Variants in ZKSCAN7 observed in about 807,000 individuals in gnomAD.
ZKSCAN7 encodes the protein zinc finger with KRAB and SCAN domains 7.
A neutral mutation model predicts 65.3 loss-of-function variants in ZKSCAN7; 38 were observed. That is an observed-to-expected ratio of 0.58 (90% confidence interval 0.45 to 0.76). ZKSCAN7 has a LOEUF of 0.76. Ranked by LOEUF, ZKSCAN7 falls within the 30% of genes least tolerant of loss-of-function variation. ZKSCAN7 has a pLI of 0.00. For synonymous variants in ZKSCAN7, 321 were observed against 321.0 expected, an observed-to-expected ratio of 1.00 and a Z score of 0.00; for missense variants, 815 against 913.3, an observed-to-expected ratio of 0.89 and a Z score of 1.39.
At chr3:44,567,590 A>T (rs1048042355) in intron 3 of ZKSCAN7, among the ~76,000 whole-genome samples, 1 of 152,162 alleles carries the variant, frequency 6.6e-6, no homozygotes, top group Non-Finnish European at 1.5e-5. Flanking sequence ...GGCATGAGGA[A>T]CCACAACTGT....
At chr3:44,574,771 AAT>A (rs1699890860), downstream of ZKSCAN7, among the ~76,000 whole-genome samples, 1 of 151,874 alleles carries the variant, frequency 6.6e-6, no homozygotes. Context: ...CTCTATTAAA[AAT>A]ATAAAAATTG....
At chr3:44,558,230 G>A (rs1431391343) in intron 2 of ZKSCAN7, among the ~76,000 whole-genome samples, 1 of 151,998 alleles carries the variant, frequency 6.6e-6, no homozygotes, top group East Asian at 1.9e-4. Context: ...CATGTGTAAA[G>A]AGATTTATTG....
chr3:44,583,162 A>C (rs894582161), exon 6 of ZKSCAN7: 8 of 283,136 alleles, frequency 2.8e-5, no homozygotes, highest in Non-Finnish European at 5.6e-5. Context: ...TCCTGACCTC[A>C]GGTGATCCAC....
At chr3:44,582,241 G>T (rs181352983) in intron 5 of ZKSCAN7, among the ~76,000 whole-genome samples, 2 of 152,284 alleles carry the variant, frequency 1.3e-5, no homozygotes, top group East Asian at 3.9e-4. Context: ...TATGCACAGG[G>T]TCACTTTACC....
chr3:44,570,981 G>A lies in ZKSCAN7; in HGVS notation c.1871G>A (p.Arg624Gln), dbSNP rs182377695. 8 of 1,614,074 alleles carry A rather than the reference G, an allele frequency of 5.0e-6. No individual in the cohort carries two copies. The East Asian group carries it at 8.9e-5, about 18-fold the overall frequency. Residue 624 changes from arginine to glutamine, a missense_variant, in exon 6 of 6, where the codon CGG (arginine) becomes CAG (glutamine). Physicochemically the swap from Arg to Gln is conservative, Grantham distance 43. Around this residue, in one of 3 missense-constraint regions of ZKSCAN7, gnomAD observed 578 missense variants for 629.5 expected, o/e 0.92. Transcript: ENST00000426540. The part of the protein sequence containing the change: ...KAFGLSKCLI[R>Q]HQRLHTGEKP... ...TTTGGTCTGAGTAAATGTCTTATTC[G>A]GCACCAGAGACTTCACACGGGTGAA...
chr3:44,566,143 G>A (rs548273257), intron 3 of ZKSCAN7, among the ~76,000 whole-genome samples: 1 of 152,286 alleles, frequency 6.6e-6, no homozygotes, highest in South Asian at 2.1e-4. Flanking sequence ...CAGTAAAAAT[G>A]TGGAAGAATT....
intron 5 of ZKSCAN7, 103 bp downstream of exon 5, chr3:44,568,536 T>C: frequency 2.0e-6 from 3 of 1,506,860 alleles, no homozygotes; most frequent in Non-Finnish European, 1.8e-6. Context: ...TTTCCAAACA[T>C]AGTTAAACTA....
intron 5 of ZKSCAN7, among the ~76,000 whole-genome samples, chr3:44,582,197 T>C (rs1269977825): frequency 1.3e-5 from 2 of 152,184 alleles, no homozygotes; most frequent in African/African-American, 2.4e-5. Context: ...TTTAGATTTA[T>C]TATTCACCAA....
At chr3:44,582,322 A>C (rs1319900423) in intron 5 of ZKSCAN7, among the ~76,000 whole-genome samples, 1 of 152,200 alleles carries the variant, frequency 6.6e-6, no homozygotes, top group African/African-American at 2.4e-5. Context: ...ATGAAAACAC[A>C]ATAGGAGAGC....
At chr3:44,561,376 C>T (rs190427904) in intron 2 of ZKSCAN7, among the ~76,000 whole-genome samples, 1 of 152,288 alleles carries the variant, frequency 6.6e-6, no homozygotes, top group East Asian at 1.9e-4. Context: ...TCCCACCAGG[C>T]CCCTCCTCCA....
intron 5 of ZKSCAN7, chr3:44,579,984 G>GT (rs1021222335): frequency 5.2e-6 from 8 of 1,542,708 alleles, no homozygotes; most frequent in African/African-American, 1.4e-5. Flanking sequence ...TTGGGGGGGG[G>GT]CTTCATTGGT....
chr3:44,560,665 C>T (rs933879474), intron 2 of ZKSCAN7, among the ~76,000 whole-genome samples: 12 of 152,020 alleles, frequency 7.9e-5, no homozygotes, highest in Admixed American at 3.9e-4. Flanking sequence ...CCTGCCACCA[C>T]GCCCAGCTAA....
chr3:44,568,366 C>T lies in ZKSCAN7; in HGVS notation c.744C>T (p.Leu248=). 6.2e-7 allele frequency: 1 copy of T among 1,614,180 alleles called. No homozygotes were observed. The highest frequency in any genetic ancestry group is 2.2e-5 in the East Asian group (1 of 44,890). Reference sequence around the variant, plus strand: ...ACACTCAGAAGAAATGGAAAAGTCTCACACTCAGTCAGAGAGCCCTGCAGT... The same window carrying T: ...ACACTCAGAAGAAATGGAAAAGTCTTACACTCAGTCAGAGAGCCCTGCAGT... ...VDYTQKKWKS[L]TLSQRALQWN... Residue 248 remains leucine, a synonymous_variant, in exon 5 of 6, where the codon CTC becomes CTT. Transcript: ENST00000426540.
At chr3:44,581,330 C>T (rs960402466) in intron 5 of ZKSCAN7, among the ~76,000 whole-genome samples, 3 of 151,152 alleles carry the variant, frequency 2.0e-5, no homozygotes, top group African/African-American at 7.3e-5. Flanking sequence ...GCCGCCGTCC[C>T]GGCTCGTCCG....
chr3:44,580,637 G>T (rs1700051401), intron 5 of ZKSCAN7: 1 of 1,613,786 alleles, frequency 6.2e-7, no homozygotes, highest in Non-Finnish European at 8.5e-7. Flanking sequence ...TCTCCGCCCG[G>T]ATGAAATGCT....
chr3:44,571,720 C>G lies in ZKSCAN7; in HGVS notation c.*345C>G. ...ATATCTTCTCTATTCTATTCTACTT[C>G]CTCCATTTCACCATTTATACAAAGT... On this transcript the variant is annotated 3_prime_UTR_variant, in exon 6 of 6. Transcript: ENST00000426540. 9.2e-7 allele frequency: 1 copy of G among 1,083,454 alleles called. No homozygotes were observed. The highest frequency in any genetic ancestry group is 3.0e-5 in the South Asian group (1 of 32,924). 67.1% of individuals were successfully genotyped at this position (1,083,454 alleles called of 1,614,324 possible).
downstream of ZKSCAN7, among the ~76,000 whole-genome samples, chr3:44,573,125 G>C (rs1022140028): frequency 2.0e-5 from 3 of 152,046 alleles, no homozygotes; most frequent in African/African-American, 7.2e-5. Context: ...TTCATTCCCC[G>C]AAGACATAAG....
chr3:44,568,594 C>T (rs1305162317), intron 5 of ZKSCAN7, 161 bp downstream of exon 5: 2 of 1,017,738 alleles, frequency 2.0e-6, no homozygotes, highest in Non-Finnish European at 1.4e-6. Flanking sequence ...TGAGATTCAA[C>T]AGTGATCAGC....
chr3:44,580,772 G>A lies in ZKSCAN7; in HGVS notation c.812-2200G>A. The stretch of plus-strand genomic sequence containing the variant: ...GAAGGGTCGTGGGCATCTCATCCAG[G>A]GCGTAGCGCAAGAGGCCATGCTCGT... On this transcript the variant is annotated intron_variant, in intron 5 of 5. Transcript: ENST00000341840. 3 of 1,613,202 alleles carry A rather than the reference G, an allele frequency of 1.9e-6. No individual in the cohort carries two copies. The South Asian group carries it at 3.3e-5, about 18-fold the overall frequency.
Sources: allele counts gnomAD v4.1 joint callset (sites outside exome capture counted in the v4.1 genomes callset), GRCh38; gene constraint gnomAD v4.1.1; regional missense constraint gnomAD v4.1.1; transcripts MANE v1.5; gene names NCBI Gene and HGNC (gene_info 2026-07-23, HGNC 2026-07-21).